Variants in MARK3 observed in about 807,000 individuals in gnomAD.
MARK3 encodes microtubule affinity regulating kinase 3, also known as MAP/microtubule affinity-regulating kinase 3.
MARK3 carries 46 observed loss-of-function variants against 90.1 expected under a neutral mutation model. The ratio of observed to expected loss-of-function variants is 0.51; its 90% CI spans 0.40 to 0.65. The LOEUF is 0.65. Among genes scored for constraint, MARK3 ranks in the 30% least tolerant of loss-of-function variants. The pLI is 0.00. For synonymous variants in MARK3, 321 were observed against 332.6 expected (o/e 0.97, Z 0.38); for missense variants, 818 against 947.2 (o/e 0.86, Z 1.79).
intron 2 of MARK3, among the ~76,000 whole-genome samples, chr14:103,419,025 A>G (rs961847440): frequency 2.6e-5 from 4 of 152,134 alleles, no homozygotes; most frequent in African/African-American, 9.7e-5. Flanking sequence ...GCGGTGGCTC[A>G]CGCCTGTAAT....
chr14:103,480,781 C>A (rs1275557350), intron 14 of MARK3, among the ~76,000 whole-genome samples: 1 of 152,104 alleles, frequency 6.6e-6, no homozygotes, highest in Admixed American at 6.6e-5. Flanking sequence ...TGTTGTAGAA[C>A]AGTGAATAAG....
chr14:103,431,512 TC>T (rs1408876692), intron 3 of MARK3, among the ~76,000 whole-genome samples: 2 of 151,952 alleles, frequency 1.3e-5, no homozygotes, highest in Admixed American at 6.6e-5. Context: ...ATGCTTATAA[TC>T]CCAGCTTCTC....
chr14:103,499,838 G>A (rs1210967098), intron 16 of MARK3: 1 of 306,132 alleles, frequency 3.3e-6, no homozygotes, highest in Non-Finnish European at 6.2e-6. Flanking sequence ...AGAGCCAGCA[G>A]GAGTGCCCGC....
At chr14:103,438,680 T>C (rs923740164) in intron 3 of MARK3, among the ~76,000 whole-genome samples, 2 of 151,624 alleles carry the variant, frequency 1.3e-5, no homozygotes, top group Non-Finnish European at 2.9e-5. Context: ...TAGTTTGTCT[T>C]TGAAATATTT....
intron 14 of MARK3, among the ~76,000 whole-genome samples, chr14:103,481,855 C>T (rs900407847): frequency 6.9e-6 from 1 of 144,836 alleles, no homozygotes; most frequent in African/African-American, 2.5e-5. Context: ...CAAGCTCCGC[C>T]TCCCGGGTTC....
intron 7 of MARK3, among the ~76,000 whole-genome samples, chr14:103,463,479 G>T (rs905315375): frequency 1.3e-5 from 2 of 152,134 alleles, no homozygotes; most frequent in African/African-American, 4.8e-5. Flanking sequence ...GGTGCAGCAG[G>T]TTCAAATCCT....
intron 1 of MARK3, among the ~76,000 whole-genome samples, chr14:103,394,484 G>A (rs1420693597): frequency 6.6e-6 from 1 of 152,154 alleles, no homozygotes; most frequent in Non-Finnish European, 1.5e-5. Context: ...GAGTTCGCTA[G>A]CACTACACTC....
At chr14:103,460,568 CTT>C (rs2141480487) in intron 6 of MARK3, among the ~76,000 whole-genome samples, 1 of 152,242 alleles carries the variant, frequency 6.6e-6, no homozygotes, top group African/African-American at 2.4e-5. Context: ...CAAGTTGAGT[CTT>C]TTCAGCTTAT....
At chr14:103,467,975 C>A in intron 11 of MARK3, 58 bp from the exon 12 acceptor site, 1 of 1,566,486 alleles carries the variant, frequency 6.4e-7, no homozygotes, top group Non-Finnish European at 8.7e-7. Flanking sequence ...GTTTAACTTC[C>A]TAATAAGCCA....
chr14:103,407,893 C>T (rs888865345), intron 2 of MARK3, among the ~76,000 whole-genome samples: 2 of 152,058 alleles, frequency 1.3e-5, no homozygotes, highest in African/African-American at 4.8e-5. Flanking sequence ...GTCTTTGCGC[C>T]TGCTTTTCCC....
At chr14:103,409,111 T>C (rs570750392) in intron 2 of MARK3, among the ~76,000 whole-genome samples, 3 of 152,242 alleles carry the variant, frequency 2.0e-5, no homozygotes, top group East Asian at 3.9e-4. Context: ...TGGCCTGTGG[T>C]GTTTACTTCT....
At chr14:103,427,324 A>G (rs2092439282) in intron 2 of MARK3, among the ~76,000 whole-genome samples, 1 of 151,396 alleles carries the variant, frequency 6.6e-6, no homozygotes, top group South Asian at 2.1e-4. Context: ...ACATGGTGAA[A>G]CCCCATCTCT....
chr14:103,490,414 G>C (rs963714642), intron 14 of MARK3: 5 of 152,206 alleles, frequency 3.3e-5, no homozygotes, highest in African/African-American at 1.2e-4. Context: ...GCCGGGTGTG[G>C]TGGCTCACAC....
chr14:103,424,410 A>G (rs1421023957), intron 2 of MARK3, among the ~76,000 whole-genome samples: 3 of 151,856 alleles, frequency 2.0e-5, no homozygotes, highest in Non-Finnish European at 4.4e-5. Flanking sequence ...CTATAGTTCC[A>G]TCTACTCGGG....
chr14:103,446,846 T>G (rs1403693679), intron 3 of MARK3, among the ~76,000 whole-genome samples: 1 of 151,596 alleles, frequency 6.6e-6, no homozygotes, highest in Non-Finnish European at 1.5e-5. Context: ...ATTGGGAGAT[T>G]TGAATTCTAG....
At chr14:103,461,969 G>T (rs945672534) in intron 6 of MARK3, among the ~76,000 whole-genome samples, 1 of 151,900 alleles carries the variant, frequency 6.6e-6, no homozygotes, top group Non-Finnish European at 1.5e-5. Flanking sequence ...CTGGGACGGG[G>T]AGGTTGCAGT....
intron 2 of MARK3, among the ~76,000 whole-genome samples, chr14:103,411,654 C>G (rs545681481): frequency 6.6e-6 from 1 of 151,752 alleles, no homozygotes; most frequent in Admixed American, 6.6e-5. Flanking sequence ...GATGGAGTCT[C>G]GCTCTGTCGC....
chr14:103,399,602 G>A (rs983460603), intron 1 of MARK3, among the ~76,000 whole-genome samples: 24 of 151,516 alleles, frequency 1.6e-4, no homozygotes, highest in Non-Finnish European at 5.9e-5. Context: ...GGGAGGCTGA[G>A]GCCAGAGAAT....
At chr14:103,468,290 T>A (rs1256522924) in intron 12 of MARK3, 104 bp downstream of exon 12, 1 of 707,078 alleles carries the variant, frequency 1.4e-6, no homozygotes, top group Admixed American at 3.2e-5. Context: ...ATGTCCTTTC[T>A]TGGCATTGCT....
Sources: gnomAD v4.1 joint callset for allele counts (sites outside exome capture counted in the v4.1 genomes callset) on GRCh38, gnomAD v4.1.1 for gene constraint, MANE v1.5 for transcripts, NCBI Gene and HGNC (gene_info 2026-07-23, HGNC 2026-07-21) for gene names.